Variants in IST1 observed in about 807,000 individuals in gnomAD.
IST1 encodes IST1 homolog.
Under a neutral mutation model 37.0 loss-of-function variants are expected in IST1, and 23 were observed. That is an observed-to-expected ratio of 0.62 (90% CI 0.45 to 0.88). The LOEUF is 0.88. Ranked by LOEUF, IST1 falls within the 40% of genes least tolerant of loss-of-function variation. IST1 has a pLI of 0.00. For synonymous variants in IST1, 180 were observed against 161.7 expected (o/e 1.11, Z -0.86); for missense variants, 488 against 445.4 (o/e 1.10, Z -0.86).
chr16:71,920,869 T>G, intron 5 of IST1, 47 bp downstream of exon 5: 1 of 1,314,196 alleles, frequency 7.6e-7, no homozygotes, highest in Non-Finnish European at 1.1e-6. Flanking sequence ...TGGGAGCAGT[T>G]TATTGTACTG....
Position 71,929,987 on chromosome 16 carries a change from G to A in IST1, c.*2174G>A. The stretch of plus-strand genomic sequence containing the variant: ...AAATTATGTCAGCCCGTCATCTTAG[G>A]GGCAGTTACAGTGGAGCTTTCCCAG... On this transcript the variant is annotated 3_prime_UTR_variant, in exon 10 of 10. Transcript: ENST00000378799. 6.8e-7 allele frequency: 1 copy of A among 1,462,744 alleles called. No individual in the cohort carries two copies. Among genetic ancestry groups the A allele is most frequent in the Non-Finnish European group, 9.2e-7 (1 of 1,090,482 alleles). The allele number at this position is 1,462,744 out of a possible 1,614,324, so 90.6% of individuals were successfully genotyped here. A position where few individuals can be genotyped will look rare whatever the true frequency, so the allele number is the denominator to read the frequency against.
rs1373089602 is a variant in IST1 at position 71,931,070 on chromosome 16, C to G, written c.*3257C>G. 3 of 147,866 alleles carry G rather than the reference C, an allele frequency of 2.0e-5. No homozygotes were observed. The highest frequency in any genetic ancestry group is 4.5e-5 in the Non-Finnish European group (3 of 66,550). 9.2% of individuals were successfully genotyped at this position (147,866 alleles called of 1,614,324 possible). On this transcript the variant is annotated 3_prime_UTR_variant, in exon 10 of 10. Coordinates refer to ENST00000378799, the MANE Select transcript of IST1 (RefSeq NM_001270975.2). ...AAGTTTATTTTTATGTACAATTTTA[C>G]TGTTTATTTTTTGTTTGCTCTATTT... is the stretch of plus-strand genomic sequence containing the variant.
chr16:71,911,099 G>GGC (rs1341378375), intron 1 of IST1, among the ~76,000 whole-genome samples: 2 of 152,098 alleles, frequency 1.3e-5, no homozygotes, highest in Non-Finnish European at 2.9e-5. Flanking sequence ...AAATTAGCTA[G>GGC]GCGTGGTGGT....
At chr16:71,923,002 A>G (rs2037644305) in intron 7 of IST1, 3 of 478,200 alleles carry the variant, frequency 6.3e-6, no homozygotes, top group Non-Finnish European at 1.1e-5. Context: ...AGGCAGAACA[A>G]CCTTTGTAGA....
At chr16:71,903,918 A>G (rs1454061750) in intron 1 of IST1, among the ~76,000 whole-genome samples, 2 of 151,872 alleles carry the variant, frequency 1.3e-5, no homozygotes, top group South Asian at 4.2e-4. Context: ...AATTAGATTT[A>G]TTTCTCCTTT....
chr16:71,917,078 T>G lies in IST1; in HGVS notation c.301T>G (p.Ser101Ala), dbSNP rs1196781915. The change falls in exon 4 of 10, where the codon TCT becomes GCT. Residue 101 changes from serine (S) to alanine (A), a missense_variant. Transcript: ENST00000378799. ...AGATTCTGGTCTGGCTGAATCTGTG[T>G]CTACATTGATCTGGGCTGCTCCTCG... ...ELDSGLAESV[S>A]TLIWAAPRLQ... 6.2e-7 allele frequency: 1 copy of G among 1,612,122 alleles called. No individual in the cohort carries two copies. The highest frequency in any genetic ancestry group is 1.1e-5 in the South Asian group (1 of 90,710).
intron 1 of IST1, among the ~76,000 whole-genome samples, chr16:71,897,920 G>T (rs1168728943): frequency 6.6e-6 from 1 of 152,222 alleles, no homozygotes; most frequent in South Asian, 2.1e-4. Flanking sequence ...CTGCACTCCA[G>T]CCTGGGCGAC....
Position 71,911,069 on chromosome 16 carries a change from G to A in IST1, c.-15-4557G>A, listed in dbSNP as rs149502653. The stretch of plus-strand genomic sequence containing the variant: ...AGCGTGTCCAACATGGTGAAACCCC[G>A]TCTCTACTAAAAATACAAAAAATTA... On this transcript the variant is annotated intron_variant, in intron 1 of 9. Transcript: ENST00000378799. 3.5e-3 allele frequency among the ~76,000 whole-genome samples: 526 copies of A among 152,110 alleles called. 8 individuals carry two copies. The highest frequency in any genetic ancestry group is 0.019 in the East Asian group (98 of 5,176).
At chr16:71,915,266 CA>C (rs2037443167) in intron 1 of IST1, among the ~76,000 whole-genome samples, 1 of 152,270 alleles carries the variant, frequency 6.6e-6, no homozygotes, top group Admixed American at 6.5e-5. Context: ...ACACCACCCC[CA>C]TGCCAATATC....
chr16:71,905,360 A>T (rs2037199928), intron 1 of IST1, among the ~76,000 whole-genome samples: 1 of 146,290 alleles, frequency 6.8e-6, no homozygotes, highest in Non-Finnish European at 1.5e-5. Context: ...TGGTTGCTCT[A>T]GGGGTTACAA....
chr16:71,894,775 A>G (rs975069428), upstream of IST1: 1 of 1,310,200 alleles, frequency 7.6e-7, no homozygotes, highest in African/African-American at 1.5e-5. Flanking sequence ...GGCTCAAGCG[A>G]TCCTCCCGCC....
intron 1 of IST1, among the ~76,000 whole-genome samples, chr16:71,908,242 T>C (rs570574217): frequency 4.5e-4 from 67 of 149,064 alleles, no homozygotes; most frequent in Non-Finnish European, 7.2e-4. Context: ...GCGCCTGGCC[T>C]GTCTTTACTT....
chr16:71,916,725 T>A, intron 3 of IST1, 83 bp downstream of exon 3: 1 of 1,157,916 alleles, frequency 8.6e-7, no homozygotes, highest in Non-Finnish European at 1.2e-6. Flanking sequence ...ATTAAGGGAC[T>A]ATTTCACATG....
intron 1 of IST1, among the ~76,000 whole-genome samples, chr16:71,910,470 G>A (rs1409642702): frequency 6.6e-6 from 1 of 151,990 alleles, no homozygotes; most frequent in Non-Finnish European, 1.5e-5. Flanking sequence ...GCTGGGTGTG[G>A]TGGCGGGCGC....
intron 9 of IST1, among the ~76,000 whole-genome samples, chr16:71,927,037 C>T (rs1438934540): frequency 5.3e-5 from 8 of 152,170 alleles, no homozygotes; most frequent in African/African-American, 1.9e-4. Context: ...GGTAAAGTAA[C>T]AGACCTTATG....
At chr16:71,895,806 G>A (rs2036953789) in intron 1 of IST1, among the ~76,000 whole-genome samples, 1 of 152,250 alleles carries the variant, frequency 6.6e-6, no homozygotes, top group South Asian at 2.1e-4. Context: ...TGGGTGGGGG[G>A]CGTGGCAGGG....
At chr16:71,915,346 G>A (rs1216876401) in intron 1 of IST1, among the ~76,000 whole-genome samples, 1 of 152,068 alleles carries the variant, frequency 6.6e-6, no homozygotes, top group African/African-American at 2.4e-5. Context: ...AAATCCAGTT[G>A]CTGACACTGC....
intron 1 of IST1, among the ~76,000 whole-genome samples, chr16:71,907,601 C>G (rs1364947057): frequency 6.6e-6 from 1 of 151,992 alleles, no homozygotes; most frequent in African/African-American, 2.4e-5. Context: ...AATGACCCAA[C>G]TGTCATTAAG....
chr16:71,904,508 G>A (rs1327540264), intron 1 of IST1, among the ~76,000 whole-genome samples: 2 of 152,198 alleles, frequency 1.3e-5, no homozygotes, highest in African/African-American at 2.4e-5. Context: ...GACCTCCTGG[G>A]CTTAAGCAGT....
Sources: allele counts gnomAD v4.1 joint callset (sites outside exome capture counted in the v4.1 genomes callset), GRCh38; gene constraint gnomAD v4.1.1; transcripts MANE v1.5; gene names NCBI Gene and HGNC (gene_info 2026-07-23, HGNC 2026-07-21).